The following TBC1D5 variants were observed in gnomAD, a reference collection of about 807,000 sequenced individuals.
TBC1D5 encodes TBC1 domain family member 5.
Under a neutral mutation model 100.3 loss-of-function variants are expected in TBC1D5, and 75 were observed. The observed-to-expected ratio is 0.75, with a 90% CI of 0.62 to 0.91. The LOEUF (loss-of-function observed/expected upper bound fraction) is 0.91, where lower values mean the gene tolerates loss of function less well. TBC1D5 is among the 40% of genes least tolerant of loss of function. The pLI is 0.00. For missense variants in TBC1D5, 910 were observed against 942.4 expected (o/e 0.97, Z 0.45); for synonymous variants, 323 against 325.6 (o/e 0.99, Z 0.09).
chr3:17,695,166 T>C (rs1182018547), intron 1 of TBC1D5, among the ~76,000 whole-genome samples: 2 of 152,110 alleles, frequency 1.3e-5, no homozygotes, highest in Admixed American at 1.3e-4. Flanking sequence ...AGACCATCAA[T>C]GCTATGAAGA....
At chr3:17,560,418 G>C (rs2096550934) in intron 2 of TBC1D5, among the ~76,000 whole-genome samples, 1 of 152,050 alleles carries the variant, frequency 6.6e-6, no homozygotes, top group African/African-American at 2.4e-5. Context: ...AGGAGTTCAA[G>C]ACTAGCCTGG....
rs9872635 is a variant in TBC1D5 at position 17,236,475 on chromosome 3, T to C, written c.1588+1688A>G. Reference sequence around the variant, plus strand: ...GCTCTACGTTAAAAAGAAAATAATGTAATTTTCAACGAGATTTTTTTTTTT... The same window carrying C: ...GCTCTACGTTAAAAAGAAAATAATGCAATTTTCAACGAGATTTTTTTTTTT... On this transcript the variant is annotated intron_variant, in intron 17 of 21. Coordinates refer to ENST00000253692, the Ensembl canonical transcript of TBC1D5. Among the ~76,000 whole-genome samples, 144 of 152,086 alleles carry C rather than the reference T, an allele frequency of 9.5e-4. 1 individual carries two copies. Among genetic ancestry groups the C allele is most frequent in the African/African-American group, 3.3e-3 (136 of 41,438 alleles).
chr3:17,195,656 C>A (rs2070567267), intron 18 of TBC1D5, among the ~76,000 whole-genome samples: 2 of 152,136 alleles, frequency 1.3e-5, no homozygotes, highest in Admixed American at 6.5e-5. Context: ...CCGTACCCTG[C>A]AGCAAATCCA....
chr3:17,724,490 G>A (rs1490233725), intron 1 of TBC1D5, among the ~76,000 whole-genome samples: 3 of 152,102 alleles, frequency 2.0e-5, no homozygotes, highest in Non-Finnish European at 4.4e-5. Flanking sequence ...CATTGTAACT[G>A]CCTCAGCTCC....
At chr3:17,514,434 T>C (rs897007130) in intron 2 of TBC1D5, among the ~76,000 whole-genome samples, 3 of 152,178 alleles carry the variant, frequency 2.0e-5, no homozygotes, top group African/African-American at 7.2e-5. Context: ...AAGTGTTGTC[T>C]AACAAACAGG....
intron 3 of TBC1D5, among the ~76,000 whole-genome samples, chr3:17,432,293 T>C (rs2094458617): frequency 6.6e-6 from 1 of 152,194 alleles, no homozygotes; most frequent in South Asian, 2.1e-4. Flanking sequence ...TTGTGTCTTT[T>C]AAAGGAATTA....
intron 3 of TBC1D5, 21 bp downstream of exon 3, chr3:17,508,453 G>A (rs922734824): frequency 6.3e-7 from 1 of 1,584,206 alleles, no homozygotes; most frequent in Non-Finnish European, 8.7e-7. Context: ...CCTACAAATA[G>A]TATTGGCATA....
chr3:17,508,512 C>G (rs1307802885), exon 3 of TBC1D5: 4 of 1,613,638 alleles, frequency 2.5e-6, no homozygotes, highest in East Asian at 4.5e-5. Flanking sequence ...GGGGTCAATG[C>G]CTACTTCTTG....
At chr3:17,241,939 C>T (rs943516068) in intron 16 of TBC1D5, among the ~76,000 whole-genome samples, 3 of 152,180 alleles carry the variant, frequency 2.0e-5, no homozygotes, top group African/African-American at 7.2e-5. Flanking sequence ...ATATTCCAAC[C>T]TTAAAAGAAT....
exon 17 of TBC1D5, chr3:17,238,210 T>C: frequency 1.9e-6 from 3 of 1,614,070 alleles, no homozygotes; most frequent in Non-Finnish European, 2.5e-6. Context: ...CAGCCTCTGC[T>C]GCTGCTGTTG....
intron 15 of TBC1D5, among the ~76,000 whole-genome samples, chr3:17,272,572 A>G (rs906756378): frequency 5.9e-5 from 9 of 152,188 alleles, no homozygotes; most frequent in Admixed American, 4.6e-4. Context: ...ATTTTTCACA[A>G]AAAAACTCAT....
intron 3 of TBC1D5, among the ~76,000 whole-genome samples, chr3:17,477,630 T>C (rs2095453762): frequency 6.6e-6 from 1 of 152,032 alleles, no homozygotes; most frequent in African/African-American, 2.4e-5. Flanking sequence ...CTTAATCAAA[T>C]AACCAACTTT....
At chr3:17,233,338 T>G (rs946218981) in intron 17 of TBC1D5, among the ~76,000 whole-genome samples, 2 of 152,224 alleles carry the variant, frequency 1.3e-5, no homozygotes, top group Non-Finnish European at 2.9e-5. Context: ...GGTCAAATAC[T>G]GTCACAGAGC....
intron 20 of TBC1D5, among the ~76,000 whole-genome samples, chr3:17,167,133 G>A (rs1023302281): frequency 2.0e-5 from 3 of 152,106 alleles, no homozygotes; most frequent in South Asian, 2.1e-4. Context: ...CAAGAAAAAC[G>A]TCAGGACATT....
chr3:17,319,140 T>C (rs2085058341), intron 13 of TBC1D5, among the ~76,000 whole-genome samples: 1 of 152,218 alleles, frequency 6.6e-6, no homozygotes, highest in Non-Finnish European at 1.5e-5. Flanking sequence ...TCATGGTTTA[T>C]AATATGTTCA....
intron 3 of TBC1D5, among the ~76,000 whole-genome samples, chr3:17,463,151 T>G (rs2095244543): frequency 6.6e-6 from 1 of 152,230 alleles, no homozygotes; most frequent in Non-Finnish European, 1.5e-5. Context: ...AAGTTCCATT[T>G]GCATTTTAGT....
chr3:17,343,650 T>G (rs2089374796), intron 13 of TBC1D5, among the ~76,000 whole-genome samples: 1 of 152,034 alleles, frequency 6.6e-6, no homozygotes, highest in Admixed American at 6.5e-5. Context: ...TCAGATCCTG[T>G]TACTGGTCTA....
chr3:17,209,287 C>G (rs983707716), intron 18 of TBC1D5, among the ~76,000 whole-genome samples: 8 of 152,194 alleles, frequency 5.3e-5, no homozygotes, highest in Admixed American at 1.3e-4. Flanking sequence ...GCTGGGACTA[C>G]AGTTGCATGC....
intron 2 of TBC1D5, among the ~76,000 whole-genome samples, chr3:17,591,272 A>AAAAAAAC (rs2096769889): frequency 7.0e-6 from 1 of 143,756 alleles, no homozygotes; most frequent in Admixed American, 7.1e-5. Context: ...AAAAACAAAA[A>AAAAAAAC]CCCCAGAGAA....
Sources: allele counts gnomAD v4.1 joint callset (sites outside exome capture counted in the v4.1 genomes callset), GRCh38; gene constraint gnomAD v4.1.1; transcripts MANE v1.5; gene names NCBI Gene and HGNC (gene_info 2026-07-23, HGNC 2026-07-21).